The following PPFIBP1 variants were observed in gnomAD, a reference collection of about 807,000 sequenced individuals.
PPFIBP1 encodes the protein PPFIB scaffold protein 1, also known as liprin-beta-1.
In PPFIBP1, 112 loss-of-function variants were observed where a neutral mutation model predicts 137.8. That is an observed-to-expected ratio of 0.81 (90% CI 0.70 to 0.95). The LOEUF is 0.95. PPFIBP1 is among the 40% of genes least tolerant of loss of function. The pLI, the probability that PPFIBP1 is intolerant of heterozygous loss-of-function variation, is 0.00. For missense variants in PPFIBP1, 1,083 were observed against 1,196.6 expected (o/e 0.91, Z 1.40); for synonymous variants, 378 against 417.3 (o/e 0.91, Z 1.15).
At chr12:27,634,051 G>T (rs1434695395) in intron 3 of PPFIBP1, among the ~76,000 whole-genome samples, 1 of 151,116 alleles carries the variant, frequency 6.6e-6, no homozygotes, top group African/African-American at 2.4e-5. Context: ...TGGCCAGGCT[G>T]GTCTTAAACT....
At chr12:27,585,739 G>A (rs1349506421) in intron 2 of PPFIBP1, among the ~76,000 whole-genome samples, 1 of 152,178 alleles carries the variant, frequency 6.6e-6, no homozygotes, top group Non-Finnish European at 1.5e-5. Context: ...CTGTTCTACG[G>A]AGGAGCTTCA....
At chr12:27,618,450 T>C (rs147941688) in intron 2 of PPFIBP1, among the ~76,000 whole-genome samples, 3,453 of 152,314 alleles carry the variant, frequency 0.023, 335 homozygotes, top group Admixed American at 0.17. Flanking sequence ...CTGGAGGCTT[T>C]ATCTGCATGA....
chr12:27,615,852 A>G (rs2055689312), intron 2 of PPFIBP1, among the ~76,000 whole-genome samples: 1 of 152,160 alleles, frequency 6.6e-6, no homozygotes, highest in Non-Finnish European at 1.5e-5. Flanking sequence ...TGGTGGCCTC[A>G]GCTGAGACCC....
chr12:27,586,710 G>A (rs1224105420), intron 2 of PPFIBP1, among the ~76,000 whole-genome samples: 1 of 148,194 alleles, frequency 6.7e-6, no homozygotes, highest in African/African-American at 2.5e-5. Flanking sequence ...AAAAAAAAAA[G>A]CCTATAAGAG....
intron 2 of PPFIBP1, among the ~76,000 whole-genome samples, chr12:27,586,481 T>C (rs2051766354): frequency 1.3e-5 from 2 of 152,162 alleles, no homozygotes; most frequent in Non-Finnish European, 1.5e-5. Flanking sequence ...GCAGATCACT[T>C]GAGGCCAGGA....
At chr12:27,624,159 C>G (rs756421482) in intron 2 of PPFIBP1, among the ~76,000 whole-genome samples, 10 of 152,100 alleles carry the variant, frequency 6.6e-5, no homozygotes, top group Non-Finnish European at 1.2e-4. Flanking sequence ...GAGGGCATGT[C>G]TTTGCAGTAT....
intron 6 of PPFIBP1, 63 bp downstream of exon 6, chr12:27,647,905 T>C (rs1460495564): frequency 1.3e-6 from 2 of 1,531,866 alleles, no homozygotes; most frequent in Non-Finnish European, 1.7e-6. Context: ...ATGCTGCATT[T>C]CTATGTTGTG....
intron 28 of PPFIBP1, 21 bp downstream of exon 28, chr12:27,691,949 C>T: frequency 6.4e-7 from 1 of 1,560,600 alleles, no homozygotes; most frequent in East Asian, 2.3e-5. Flanking sequence ...CACTGTATAA[C>T]TTTTTGCGAG....
rs559740384 is a variant in PPFIBP1, at chr12:27,693,995, T to C, written c.*1113T>C. The C allele has an allele frequency of 1.3e-5, 2 of 152,134 alleles. No homozygotes were observed. The highest frequency in any genetic ancestry group is 2.4e-5 in the African/African-American group (1 of 41,460). 9.4% of individuals were successfully genotyped at this position (152,134 alleles called of 1,614,324 possible). ...CCAGCCTGTTATTTTTTTATTATTATTGTTTTTTTTTAGTGACAGAGTCTC... is the reference window on the plus strand; with the variant it reads ...CCAGCCTGTTATTTTTTTATTATTACTGTTTTTTTTTAGTGACAGAGTCTC... On this transcript the variant is annotated 3_prime_UTR_variant, in exon 30 of 30. Coordinates refer to ENST00000228425, the MANE Select transcript of PPFIBP1 (RefSeq NM_003622.4).
intron 2 of PPFIBP1, among the ~76,000 whole-genome samples, chr12:27,580,152 A>G (rs896690934): frequency 1.3e-5 from 2 of 152,220 alleles, no homozygotes; most frequent in Admixed American, 1.3e-4. Context: ...GAATAGAGAA[A>G]GAAAAATAGA....
chr12:27,568,215 A>T (rs779173376), intron 1 of PPFIBP1, among the ~76,000 whole-genome samples: 9 of 152,214 alleles, frequency 5.9e-5, no homozygotes, highest in Non-Finnish European at 1.0e-4. Context: ...GTTGTCATTA[A>T]TGCTGGTCAG....
rs1325323988 is a variant in PPFIBP1, at chr12:27,669,398, A to T, written c.1147-2033A>T. Among the ~76,000 whole-genome samples, 3 of 152,226 alleles carry T rather than the reference A, an allele frequency of 2.0e-5. No individual in the cohort carries two copies. The East Asian group carries it at 5.8e-4, about 29-fold the overall frequency. ...GCTGCAGTTACAGAACTAGTGTTAC[A>T]TGTAGGGTATATCCAAATAATCCCA... On this transcript the variant is annotated intron_variant, in intron 13 of 29. Transcript: ENST00000228425.
intron 1 of PPFIBP1, among the ~76,000 whole-genome samples, chr12:27,527,017 G>A (rs564717522): frequency 1.3e-5 from 2 of 151,944 alleles, no homozygotes; most frequent in Non-Finnish European, 2.9e-5. Context: ...TAGTCTTTTT[G>A]TAGCTCCCTG....
chr12:27,691,487 G>A (rs745816589), intron 27 of PPFIBP1, among the ~76,000 whole-genome samples: 4 of 152,074 alleles, frequency 2.6e-5, no homozygotes, highest in South Asian at 2.1e-4. Flanking sequence ...GCTATTTGGC[G>A]TGAATAAGAA....
intron 1 of PPFIBP1, among the ~76,000 whole-genome samples, chr12:27,576,010 T>C (rs2050525902): frequency 1.3e-5 from 2 of 152,182 alleles, no homozygotes; most frequent in Admixed American, 6.5e-5. Flanking sequence ...TATTCAGTCC[T>C]GGTTAGGCCA....
intron 1 of PPFIBP1, among the ~76,000 whole-genome samples, chr12:27,537,826 A>T (rs1945218304): frequency 6.6e-6 from 1 of 152,014 alleles, no homozygotes; most frequent in Admixed American, 6.5e-5. Flanking sequence ...AGGCAGAGTG[A>T]TTCTTTGCTG....
intron 1 of PPFIBP1, among the ~76,000 whole-genome samples, chr12:27,559,026 A>C (rs1304638696): frequency 1.3e-5 from 2 of 151,864 alleles, no homozygotes; most frequent in South Asian, 4.2e-4. Flanking sequence ...CACCTGACTA[A>C]GTTTTTTATT....
intron 25 of PPFIBP1, among the ~76,000 whole-genome samples, chr12:27,687,959 C>A (rs1275604180): frequency 1.3e-5 from 2 of 152,084 alleles, no homozygotes; most frequent in Non-Finnish European, 2.9e-5. Context: ...TGGGTGCACG[C>A]TGGTGGTCCC....
chr12:27,533,705 T>C (rs1262550521), intron 1 of PPFIBP1, among the ~76,000 whole-genome samples: 3 of 152,208 alleles, frequency 2.0e-5, no homozygotes, highest in Non-Finnish European at 2.9e-5. Context: ...AGGGCTGTTA[T>C]GTAAAGAGTG....
Sources: allele counts gnomAD v4.1 joint callset (sites outside exome capture counted in the v4.1 genomes callset), GRCh38; gene constraint gnomAD v4.1.1; transcripts MANE v1.5; gene names NCBI Gene and HGNC (gene_info 2026-07-23, HGNC 2026-07-21).